Variants in RUNX1T1 observed in about 807,000 individuals in gnomAD.
The protein encoded by RUNX1T1 is protein CBFA2T1.
In RUNX1T1, 4 loss-of-function variants were observed where a neutral mutation model predicts 62.8. The observed-to-expected ratio is 0.06, with a 90% CI of 0.03 to 0.15. The LOEUF (loss-of-function observed/expected upper bound fraction) is 0.15, where lower values mean the gene tolerates loss of function less well. Ranked by LOEUF, RUNX1T1 falls within the 10% of genes least tolerant of loss-of-function variation. The pLI, the probability that RUNX1T1 is intolerant of heterozygous loss-of-function variation, is 1.00. For synonymous variants in RUNX1T1, 291 were observed against 286.0 expected (o/e 1.02, Z -0.18); for missense variants, 508 against 754.3 (o/e 0.67, Z 3.82).
At chr8:92,029,845 C>CTGAGCTATATAAAATGTG (rs1825911895) in intron 1 of RUNX1T1, among the ~76,000 whole-genome samples, 1 of 152,126 alleles carries the variant, frequency 6.6e-6, no homozygotes, top group Admixed American at 6.5e-5. Context: ...AAAATATTTA[C>CTGAGCTATATAAAATGTG]TGAGCTATAT....
At chr8:92,028,191 T>C (rs1441012356) in intron 1 of RUNX1T1, among the ~76,000 whole-genome samples, 1 of 140,478 alleles carries the variant, frequency 7.1e-6, no homozygotes, top group African/African-American at 2.8e-5. Context: ...GACATATTAG[T>C]AATTCTTTTT....
chr8:91,994,319 T>C lies in RUNX1T1; in HGVS notation c.660-2430A>G, dbSNP rs116537946. 8.0e-3 allele frequency among the ~76,000 whole-genome samples: 1,225 copies of C among 152,360 alleles called. 15 individuals are homozygous for C. Among genetic ancestry groups the C allele is most frequent in the African/African-American group, 0.028 (1,176 of 41,580 alleles). On this transcript the variant is annotated intron_variant, in intron 5 of 10. Coordinates refer to ENST00000396218, the Ensembl canonical transcript of RUNX1T1. ...AAGTAAACTGAAACATTCTAGATAC[T>C]GATTTATCATCTAAGAATATACCCA...
At chr8:91,961,460 G>A (rs1214983629) in intron 10 of RUNX1T1, among the ~76,000 whole-genome samples, 1 of 152,192 alleles carries the variant, frequency 6.6e-6, no homozygotes, top group South Asian at 2.1e-4. Context: ...TCAAACCCTA[G>A]TAAGTTCACT....
chr8:92,056,608 CT>C (rs199811616), intron 1 of RUNX1T1, among the ~76,000 whole-genome samples: 2,344 of 144,490 alleles, frequency 0.016, 52 homozygotes, highest in East Asian at 0.07. Context: ...AAATCAACTG[CT>C]TTTTTTTTTT....
At position 91,974,406 on chromosome 8, in the gene RUNX1T1, C is replaced by T. The variant is rs573266028; in HGVS notation, c.1267+1499G>A. On this transcript the variant is annotated intron_variant, in intron 9 of 10. Coordinates refer to ENST00000396218, the Ensembl canonical transcript of RUNX1T1. ...CAAAAAGAATTCGGATTACACAAGACCTTACTGGTAATTTTTCTCTATGAA... is the reference window on the plus strand; with the variant it reads ...CAAAAAGAATTCGGATTACACAAGATCTTACTGGTAATTTTTCTCTATGAA... Among the ~76,000 whole-genome samples, 9 of 152,174 alleles carry T rather than the reference C, an allele frequency of 5.9e-5. No individual in the cohort carries two copies. The South Asian group carries it at 1.9e-3, about 32-fold the overall frequency.
intron 4 of RUNX1T1, 35 bp from the exon 6 acceptor site, chr8:92,005,332 G>T: frequency 1.3e-6 from 2 of 1,591,244 alleles, no homozygotes; most frequent in Non-Finnish European, 1.7e-6. Flanking sequence ...AGGACGGACT[G>T]AAAGTTTTCT....
chr8:92,013,072 A>C (rs527413428), intron 3 of RUNX1T1, among the ~76,000 whole-genome samples: 8 of 152,344 alleles, frequency 5.3e-5, no homozygotes, highest in African/African-American at 1.9e-4. Context: ...TTTTCAAAAA[A>C]AAAAAATTTT....
chr8:91,979,615 G>A (rs1394029130), intron 8 of RUNX1T1, among the ~76,000 whole-genome samples: 1 of 151,542 alleles, frequency 6.6e-6, no homozygotes, highest in African/African-American at 2.4e-5. Context: ...GCGGGGGGTG[G>A]TGGTGAGAGT....
intron 2 of RUNX1T1, 139 bp from the exon 4 acceptor site, chr8:92,014,959 A>G: frequency 1.2e-6 from 1 of 820,364 alleles, no homozygotes; most frequent in Non-Finnish European, 1.8e-6. Flanking sequence ...AAATGCTTGG[A>G]CTTCACAGGG....
At chr8:92,034,735 CAT>C (rs781047766) in intron 1 of RUNX1T1, among the ~76,000 whole-genome samples, 14 of 146,476 alleles carry the variant, frequency 9.6e-5, no homozygotes, top group Non-Finnish European at 1.2e-4. Context: ...CACACGTATA[CAT>C]ATATATACAC....
At chr8:91,999,024 A>G (rs1819257096) in intron 5 of RUNX1T1, among the ~76,000 whole-genome samples, 1 of 152,194 alleles carries the variant, frequency 6.6e-6, no homozygotes, top group South Asian at 2.1e-4. Context: ...GCTTTGTTTT[A>G]GGTCCCCAGT....
chr8:92,096,219 TTA>T (rs1491112633), intron 1 of RUNX1T1, among the ~76,000 whole-genome samples: 1 of 152,202 alleles, frequency 6.6e-6, no homozygotes, highest in Non-Finnish European at 1.5e-5. Context: ...CAGGTGACTC[TTA>T]GAGACCTGCT....
At chr8:92,022,699 GAAATA>G in intron 1 of RUNX1T1, among the ~76,000 whole-genome samples, 1 of 152,282 alleles carries the variant, frequency 6.6e-6, no homozygotes, top group South Asian at 2.1e-4. Flanking sequence ...AGAAGTATGA[GAAATA>G]AATTTATCTT....
chr8:91,978,189 G>T (rs1273098906), intron 8 of RUNX1T1, among the ~76,000 whole-genome samples: 3 of 152,096 alleles, frequency 2.0e-5, no homozygotes, highest in African/African-American at 7.2e-5. Context: ...CCAGCCCCAG[G>T]CAACATAGGC....
intron 1 of RUNX1T1, among the ~76,000 whole-genome samples, chr8:92,047,903 A>C (rs2130306431): frequency 6.6e-6 from 1 of 152,312 alleles, no homozygotes; most frequent in Non-Finnish European, 1.5e-5. Context: ...AGACCTTTGT[A>C]AACTGCACAA....
At chr8:91,956,910 T>A (rs989643922), downstream of RUNX1T1, 10 of 174,706 alleles carry the variant, frequency 5.7e-5, no homozygotes, top group Non-Finnish European at 8.5e-5. Flanking sequence ...GACGTAGGCA[T>A]GCTTTGCATA....
intron 8 of RUNX1T1, among the ~76,000 whole-genome samples, chr8:91,983,525 T>C (rs1815885473): frequency 6.6e-6 from 1 of 152,210 alleles, no homozygotes; most frequent in African/African-American, 2.4e-5. Flanking sequence ...GAAGATCTCA[T>C]TTGAGACCAG....
intron 1 of RUNX1T1, chr8:92,081,387 T>G (rs1835237394): frequency 3.2e-6 from 1 of 308,276 alleles, no homozygotes; most frequent in African/African-American, 2.3e-5. Context: ...AATCATAATC[T>G]TTTTCTTTCT....
intron 2 of RUNX1T1, 141 bp downstream of exon 3, chr8:92,017,085 G>A (rs866083309): frequency 3.1e-6 from 2 of 647,394 alleles, no homozygotes; most frequent in African/African-American, 1.8e-5. Flanking sequence ...CCTACTTACT[G>A]GCAAACAAAT....
Sources: allele counts gnomAD v4.1 joint callset (sites outside exome capture counted in the v4.1 genomes callset), GRCh38; gene constraint gnomAD v4.1.1; transcripts MANE v1.5; gene names NCBI Gene and HGNC (gene_info 2026-07-23, HGNC 2026-07-21).